The following DDAH1 variants were observed in gnomAD, a reference collection of about 807,000 sequenced individuals.
DDAH1 encodes the protein N(G),N(G)-dimethylarginine dimethylaminohydrolase 1.
In DDAH1, 19 loss-of-function variants were observed where a neutral mutation model predicts 28.8. The ratio of observed to expected loss-of-function variants is 0.66; its 90% CI spans 0.46 to 0.97. The LOEUF is 0.97. DDAH1 is among the 50% of genes least tolerant of loss of function. The pLI is 0.00. For synonymous variants in DDAH1, 153 were observed against 154.4 expected (o/e 0.99, Z 0.07); for missense variants, 326 against 375.9 (o/e 0.87, Z 1.10).
chr1:85,491,190 G>A (rs1168187934), intron 2 of DDAH1, among the ~76,000 whole-genome samples: 1 of 151,962 alleles, frequency 6.6e-6, no homozygotes, highest in Non-Finnish European at 1.5e-5. Flanking sequence ...GGGACTTCAA[G>A]TGTGTGCCAT....
intron 1 of DDAH1, among the ~76,000 whole-genome samples, chr1:85,431,590 C>T (rs978496408): frequency 6.6e-6 from 1 of 151,886 alleles, no homozygotes; most frequent in Non-Finnish European, 1.5e-5. Flanking sequence ...TCTCTCCCTC[C>T]CTCCTTCCCT....
rs1470123024 is a variant in DDAH1, at chr1:85,320,386, G to C, written c.*1066C>G. ...GAGCTGTTTACTCTGGCTCATATTA[G>C]ACTACCAGTAATTATTTTCAGACAT... On this transcript the variant is annotated 3_prime_UTR_variant, in exon 6 of 6. Transcript: ENST00000284031. 1 of 152,504 alleles carries C rather than the reference G, an allele frequency of 6.6e-6. No homozygotes were observed. The highest frequency in any genetic ancestry group is 1.5e-5 in the Non-Finnish European group (1 of 68,022). The allele number at this position is 152,504 out of a possible 1,614,324, so 9.4% of individuals were successfully genotyped here.
At chr1:85,415,450 G>A (rs112187616) in intron 1 of DDAH1, among the ~76,000 whole-genome samples, 2 of 152,134 alleles carry the variant, frequency 1.3e-5, no homozygotes, top group East Asian at 3.8e-4. Context: ...TTTCTAGCAC[G>A]TGTAACCTAG....
At chr1:85,456,352 T>C (rs947069036) in intron 1 of DDAH1, among the ~76,000 whole-genome samples, 14 of 152,280 alleles carry the variant, frequency 9.2e-5, no homozygotes, top group African/African-American at 3.4e-4. Flanking sequence ...TTATTTGTCA[T>C]TGACATGGGT....
At chr1:85,545,617 A>G (rs796625865) in intron 1 of DDAH1, among the ~76,000 whole-genome samples, 20 of 152,300 alleles carry the variant, frequency 1.3e-4, no homozygotes, top group African/African-American at 4.8e-4. Context: ...AGGCAAATAT[A>G]TATCCAAAAT....
At chr1:85,396,149 T>G (rs1651803711) in intron 1 of DDAH1, among the ~76,000 whole-genome samples, 1 of 152,238 alleles carries the variant, frequency 6.6e-6, no homozygotes, top group Non-Finnish European at 1.5e-5. Flanking sequence ...ATCCTATTTT[T>G]GATCAAGTGT....
intron 1 of DDAH1, 29 bp from the exon 2 acceptor site, chr1:85,358,876 T>C (rs775669440): frequency 6.7e-7 from 1 of 1,500,174 alleles, no homozygotes; most frequent in Non-Finnish European, 9.1e-7. Context: ...TTCAGATTAC[T>C]ATGCTACAAT....
chr1:85,568,836 A>G (rs559967274), intron 1 of DDAH1, among the ~76,000 whole-genome samples: 3 of 152,204 alleles, frequency 2.0e-5, no homozygotes, highest in Non-Finnish European at 2.9e-5. Flanking sequence ...CCAGTGTGAC[A>G]AGAAGACTTC....
intron 1 of DDAH1, among the ~76,000 whole-genome samples, chr1:85,497,202 A>G (rs1438612932): frequency 6.6e-6 from 1 of 152,186 alleles, no homozygotes; most frequent in Non-Finnish European, 1.5e-5. Context: ...TCACAAACAT[A>G]AGGATTTATT....
At chr1:85,563,253 C>G (rs1014609502) in intron 1 of DDAH1, among the ~76,000 whole-genome samples, 1 of 152,160 alleles carries the variant, frequency 6.6e-6, no homozygotes, top group Non-Finnish European at 1.5e-5. Context: ...AAGGGCACCC[C>G]TTATGTCTTC....
intron 2 of DDAH1, among the ~76,000 whole-genome samples, chr1:85,356,006 ATT>A (rs1173855346): frequency 1.3e-5 from 2 of 152,228 alleles, no homozygotes; most frequent in Non-Finnish European, 2.9e-5. Context: ...CAAAGCAATA[ATT>A]AACACAAAAT....
chr1:85,433,981 CA>C lies in DDAH1; in HGVS notation c.303+30761del, dbSNP rs146003673. Among the ~76,000 whole-genome samples, 280 of 152,152 alleles carry C rather than the reference CA, an allele frequency of 1.8e-3. 8 individuals are homozygous for C. In the East Asian group the frequency reaches 0.034, roughly 18 times the overall value. ...TGTAGGATTCAAAAAAATAATTTAA[CA>C]TTTTTTGTACAGTATTTATTAATTA... On this transcript the variant is annotated intron_variant, in intron 1 of 5. Coordinates refer to ENST00000284031, the MANE Select transcript of DDAH1 (RefSeq NM_012137.4).
At chr1:85,554,856 C>T (rs1658915442) in intron 1 of DDAH1, among the ~76,000 whole-genome samples, 1 of 152,204 alleles carries the variant, frequency 6.6e-6, no homozygotes, top group African/African-American at 2.4e-5. Context: ...CCTTTGCCTG[C>T]ACAGGCATTT....
chr1:85,497,262 A>G lies in DDAH1; in HGVS notation c.-122-981T>C, dbSNP rs971526456. Reference sequence around the variant, plus strand: ...ATGAGGTAAAGAAACAGCCACAAATAGCACTAAGAATGCAAAAAATGGCTG... The same window carrying G: ...ATGAGGTAAAGAAACAGCCACAAATGGCACTAAGAATGCAAAAAATGGCTG... On this transcript the variant is annotated intron_variant, in intron 1 of 6. Coordinates refer to the DDAH1 transcript ENST00000426972. 2.0e-5 allele frequency among the ~76,000 whole-genome samples: 3 copies of G among 152,232 alleles called. No individual in the cohort carries two copies. In the East Asian group the frequency reaches 5.8e-4, roughly 29 times the overall value.
chr1:85,365,498 G>A (rs1299903141), intron 1 of DDAH1, among the ~76,000 whole-genome samples: 1 of 152,124 alleles, frequency 6.6e-6, no homozygotes, highest in African/African-American at 2.4e-5. Context: ...TAAATTTTGG[G>A]AGCCACTACT....
chr1:85,388,835 T>C (rs1651405753), intron 1 of DDAH1, among the ~76,000 whole-genome samples: 2 of 152,234 alleles, frequency 1.3e-5, no homozygotes, highest in Admixed American at 6.5e-5. Context: ...TTTGGCATCC[T>C]GACTGACAGT....
chr1:85,329,142 T>C (rs1225907544), intron 4 of DDAH1, among the ~76,000 whole-genome samples: 1 of 152,242 alleles, frequency 6.6e-6, no homozygotes, highest in East Asian at 1.9e-4. Context: ...AGCAAAAGCA[T>C]GGAATGTCAT....
intron 1 of DDAH1, among the ~76,000 whole-genome samples, chr1:85,536,972 TATATATATATATAC>T (rs1305893826): frequency 0.036 from 2,780 of 76,936 alleles, 112 homozygotes; most frequent in African/African-American, 0.097. Context: ...TATATATATA[TATATATATATATAC>T]GTATATACAT....
At chr1:85,470,254 A>G (rs534349092) in intron 2 of DDAH1, among the ~76,000 whole-genome samples, 1 of 152,268 alleles carries the variant, frequency 6.6e-6, no homozygotes, top group Admixed American at 6.5e-5. Flanking sequence ...CCTTACAATC[A>G]TGGTGGAAGG....
Sources: allele counts gnomAD v4.1 joint callset (sites outside exome capture counted in the v4.1 genomes callset), GRCh38; gene constraint gnomAD v4.1.1; transcripts MANE v1.5; gene names NCBI Gene and HGNC (gene_info 2026-07-23, HGNC 2026-07-21).